FAM221A: variants seen among roughly 807,000 people sequenced by gnomAD.
The protein encoded by FAM221A is family with sequence similarity 221 member A.
In FAM221A, 43 loss-of-function variants were observed where a neutral mutation model predicts 37.6. That is an observed-to-expected ratio of 1.15 (90% confidence interval 0.90 to 1.48). The LOEUF is 1.48. Ranked by LOEUF, FAM221A falls within the 40% of genes most tolerant of loss-of-function variation. The pLI is 0.00. For synonymous variants in FAM221A, 135 were observed against 132.9 expected (o/e 1.02, Z -0.11); for missense variants, 361 against 361.5 (o/e 1.00, Z 0.01).
At chr7:23,698,331 A>T (rs1785193197) in intron 5 of FAM221A, 32 bp downstream of exon 5, 1 of 1,187,064 alleles carries the variant, frequency 8.4e-7, no homozygotes, top group African/African-American at 1.6e-5. Flanking sequence ...CTGTTTTTGG[A>T]TGTAGTAAAT....
At chr7:23,685,196 T>C (rs1430416016) in intron 2 of FAM221A, among the ~76,000 whole-genome samples, 2 of 152,088 alleles carry the variant, frequency 1.3e-5, no homozygotes, top group Non-Finnish European at 2.9e-5. Flanking sequence ...TGCAGTGAGC[T>C]GAGATCACGC....
chr7:23,694,692 A>G (rs1185967977), intron 4 of FAM221A: 2 of 152,212 alleles, frequency 1.3e-5, no homozygotes, highest in Non-Finnish European at 2.9e-5. Context: ...GTGTTATTCA[A>G]CTAGGAAGTA....
rs760184047 is a variant in FAM221A at position 23,691,524 on chromosome 7, G to A, written c.565G>A (p.Ala189Thr). Residue 189 changes from alanine (A) to threonine (T), a missense_variant, in exon 4 of 7, where the codon GCA becomes ACA. Coordinates refer to ENST00000344962, the MANE Select transcript of FAM221A (RefSeq NM_199136.5). ...EKPVGQDIPYAAMGGLTGFSS... is the reference protein window; with the variant it reads ...EKPVGQDIPYTAMGGLTGFSS... ...ACCAGTGGGACAGGACATTCCTTATGCAGCCATGGGAGGATTAACTGGTTT... is the reference window on the plus strand; with the variant it reads ...ACCAGTGGGACAGGACATTCCTTATACAGCCATGGGAGGATTAACTGGTTT... 19 of 1,614,198 alleles carry A rather than the reference G, an allele frequency of 1.2e-5. No homozygotes were observed. Among genetic ancestry groups the A allele is most frequent in the Non-Finnish European group, 1.6e-5 (19 of 1,180,034 alleles).
chr7:23,698,513 G>A (rs1193888277), intron 5 of FAM221A, among the ~76,000 whole-genome samples: 2 of 152,086 alleles, frequency 1.3e-5, no homozygotes, highest in African/African-American at 2.4e-5. Flanking sequence ...CGAGAATGTC[G>A]AGGATTCTGA....
At chr7:23,697,298 C>A (rs187638469) in intron 4 of FAM221A, among the ~76,000 whole-genome samples, 1 of 152,296 alleles carries the variant, frequency 6.6e-6, no homozygotes, top group Non-Finnish European at 1.5e-5. Context: ...AACTTCTAAC[C>A]CAATTAGGAC....
intron 6 of FAM221A, among the ~76,000 whole-genome samples, chr7:23,701,887 A>T (rs1297132930): frequency 6.6e-6 from 1 of 152,240 alleles, no homozygotes; most frequent in East Asian, 1.9e-4. Context: ...ATATTCATAT[A>T]TTACTTTTAT....
chr7:23,700,704 C>T, intron 5 of FAM221A, 82 bp from the exon 6 acceptor site: 2 of 831,962 alleles, frequency 2.4e-6, no homozygotes, highest in South Asian at 2.1e-5. Flanking sequence ...TATCACCGAG[C>T]AGGAGAAAAC....
intron 2 of FAM221A, chr7:23,688,312 C>T (rs1784492308): frequency 6.6e-6 from 1 of 152,176 alleles, no homozygotes; most frequent in African/African-American, 2.4e-5. Context: ...TCCCAAAGTG[C>T]TGGGATTACA....
chr7:23,683,119 G>A (rs541296449), intron 1 of FAM221A, among the ~76,000 whole-genome samples: 1 of 152,280 alleles, frequency 6.6e-6, no homozygotes, highest in East Asian at 1.9e-4. Context: ...GCACAAAAAA[G>A]TATGTAGCAT....
At chr7:23,694,962 T>C (rs1316462341) in intron 4 of FAM221A, 1 of 152,222 alleles carries the variant, frequency 6.6e-6, no homozygotes, top group South Asian at 2.1e-4. Flanking sequence ...AATATGTAGA[T>C]GAATGTAGAA....
intron 2 of FAM221A, chr7:23,686,738 C>T (rs1428080559): frequency 1.3e-5 from 2 of 150,464 alleles, no homozygotes; most frequent in Non-Finnish European, 3.0e-5. Context: ...AAGCAGCTCA[C>T]TACCCAAAGC....
In FAM221A at chr7:23,689,393, A is replaced by G. The variant is rs1338536787; in HGVS notation, c.364A>G (p.Ile122Val). The G allele has an allele frequency of 6.2e-7, 1 of 1,607,568 alleles. No individual in the cohort carries two copies. Among genetic ancestry groups the G allele is most frequent in the African/African-American group, 1.3e-5 (1 of 74,848 alleles). ...TGTCCCCTTGAATGGTAGCCAGCCC[A>G]TTCGCTGCAGGTGCAAACACTTTGC... ...LYVPLNGSQPIRCRCKHFADQ... is the reference protein window; with the variant it reads ...LYVPLNGSQPVRCRCKHFADQ... The change falls in exon 3 of 7, where the codon ATT becomes GTT. Residue 122 changes from isoleucine (I) to valine (V), a missense_variant. By Grantham distance (29) the Ile-to-Val change is conservative (BLOSUM62 3). Coordinates refer to ENST00000344962, the MANE Select transcript of FAM221A (RefSeq NM_199136.5).
At chr7:23,696,374 A>C (rs747405917) in intron 4 of FAM221A, among the ~76,000 whole-genome samples, 1 of 152,212 alleles carries the variant, frequency 6.6e-6, no homozygotes, top group East Asian at 1.9e-4. Flanking sequence ...CCTAGGCAAC[A>C]TGGCGAAACC....
intron 3 of FAM221A, 52 bp from the exon 4 acceptor site, chr7:23,691,338 G>C: frequency 6.4e-7 from 1 of 1,571,978 alleles, no homozygotes. Flanking sequence ...TGTCTTTAGG[G>C]TAGACAACAT....
rs368760611 is a variant in FAM221A, at chr7:23,684,675, A to C, written c.239+3A>C. The C allele has an allele frequency of 6.3e-7, 1 of 1,581,164 alleles. No individual in the cohort carries two copies. Among genetic ancestry groups the C allele is most frequent in the Non-Finnish European group, 8.6e-7 (1 of 1,167,076 alleles). On this transcript the variant is annotated splice_donor_region_variant and intron_variant, in intron 2 of 6. Coordinates refer to ENST00000344962, the MANE Select transcript of FAM221A (RefSeq NM_199136.5). ...ACACTGTGTTTTTGTACACATAGGT[A>C]AGATACTTTATTGCAAAGTTTTTTG... is the stretch of plus-strand genomic sequence containing the variant.
chr7:23,685,016 G>A (rs1047728337), intron 2 of FAM221A, among the ~76,000 whole-genome samples: 7 of 152,184 alleles, frequency 4.6e-5, no homozygotes, highest in Admixed American at 6.5e-5. Flanking sequence ...TTGGGAGGCC[G>A]AGGTGGGTGG....
rs1007309199 is a variant in FAM221A, at chr7:23,682,412, TTTATTA to T, written c.66-2063_66-2058del. Among the ~76,000 whole-genome samples the T allele has an allele frequency of 2.5e-3, 324 of 131,312 alleles. 3 individuals carry two copies. The highest frequency in any genetic ancestry group is 8.3e-3 in the African/African-American group (284 of 34,328). The allele number at this position is 131,312 out of a possible 152,430, so 86.1% of individuals were successfully genotyped here. ...GTGTGTGTGTGTATGTATATATATA[TTTATTA>T]TTATTATTATTATTATTATTATTTT... On this transcript the variant is annotated intron_variant, in intron 1 of 6. Transcript: ENST00000344962.
chr7:23,680,396 G>A, intron 1 of FAM221A, 113 bp downstream of exon 1: 3 of 788,452 alleles, frequency 3.8e-6, no homozygotes, highest in Non-Finnish European at 5.9e-6. Context: ...CGGAATCTGT[G>A]CCTGGGCTGT....
intron 1 of FAM221A, 91 bp downstream of exon 1, chr7:23,680,374 C>A: frequency 9.9e-7 from 1 of 1,014,194 alleles, no homozygotes; most frequent in South Asian, 1.7e-5. Context: ...GGCGGGCGTC[C>A]GCGGGGGTTC....
Sources: allele counts gnomAD v4.1 joint callset (sites outside exome capture counted in the v4.1 genomes callset), GRCh38; gene constraint gnomAD v4.1.1; transcripts MANE v1.5; gene names NCBI Gene and HGNC (gene_info 2026-07-23, HGNC 2026-07-21).